The following GSG1 variants were observed in gnomAD, a reference collection of about 807,000 sequenced individuals.
GSG1 encodes germ cell associated 1, also known as germ cell-specific gene 1 protein.
A neutral mutation model predicts 30.8 loss-of-function variants in GSG1; 28 were observed. The observed-to-expected ratio is 0.91, with a 90% CI of 0.67 to 1.25. The LOEUF is 1.25. Among genes scored for constraint, GSG1 ranks in the 50% most tolerant of loss-of-function variants. GSG1 has a pLI of 0.00. For synonymous variants in GSG1, 162 were observed against 178.0 expected (o/e 0.91, Z 0.71); for missense variants, 435 against 444.7 (o/e 0.98, Z 0.20).
At chr12:13,090,382 G>A (rs1489258847) in intron 2 of GSG1, 121 bp downstream of exon 2, 3 of 838,330 alleles carry the variant, frequency 3.6e-6, no homozygotes, top group South Asian at 1.7e-5. Context: ...ACTGGGGTGT[G>A]GGCAGTGCTG....
chr12:13,085,305 C>T (rs745944812), intron 6 of GSG1, 62 bp from the exon 7 acceptor site: 592 of 1,457,072 alleles, frequency 4.1e-4, no homozygotes, highest in Non-Finnish European at 5.2e-4. Flanking sequence ...GAGAAAAATG[C>T]CATGACCTCT....
At chr12:13,103,199 C>T (rs1266690997) in intron 1 of GSG1, among the ~76,000 whole-genome samples, 1 of 152,086 alleles carries the variant, frequency 6.6e-6, no homozygotes, top group Non-Finnish European at 1.5e-5. Flanking sequence ...GATGATGAGA[C>T]AAGGGAAGAA....
chr12:13,089,212 TG>T lies in GSG1; in HGVS notation c.428del (p.Ala143GlufsTer43). 1 of 1,555,678 alleles carries T rather than the reference TG, an allele frequency of 6.4e-7. No homozygotes were observed. The highest frequency in any genetic ancestry group is 8.7e-7 in the Non-Finnish European group (1 of 1,149,118). ...RALRSSGTAA[A>X]KGERCRSFIE... ...GATCTTAGTGTTAACTAATACCTTT[TG>T]CTGCCGCTGTACCACTGGACCGAAG... On this transcript the variant is annotated frameshift_variant, in exon 3 of 7. Coordinates refer to ENST00000651961, the MANE Select transcript of GSG1 (RefSeq NM_001080555.4). LOFTEE classifies it high-confidence loss of function.
intron 3 of GSG1, 21 bp downstream of exon 3, chr12:13,089,187 G>T: frequency 6.4e-7 from 1 of 1,550,978 alleles, no homozygotes; most frequent in South Asian, 1.2e-5. Context: ...AAGAGTTAAT[G>T]ATCTTAGTGT....
At chr12:13,103,081 AC>A (rs1019191285) in intron 1 of GSG1, among the ~76,000 whole-genome samples, 3 of 152,216 alleles carry the variant, frequency 2.0e-5, no homozygotes, top group Admixed American at 2.0e-4. Flanking sequence ...TATTGTTGCC[AC>A]CGCTACTGGG....
intron 1 of GSG1, 59 bp downstream of exon 1, chr12:13,103,406 T>A (rs368999273): frequency 1.7e-5 from 22 of 1,265,338 alleles, no homozygotes; most frequent in Non-Finnish European, 2.5e-5. Flanking sequence ...GTGTTACAAA[T>A]CCAGCAGTAA....
intron 4 of GSG1, chr12:13,088,602 A>G (rs1189554436): frequency 1.3e-6 from 1 of 756,984 alleles, no homozygotes; most frequent in Non-Finnish European, 2.1e-6. Context: ...CTGCATATGA[A>G]TGAAAGTCAG....
At chr12:13,095,977 T>C (rs1866627689) in intron 1 of GSG1, among the ~76,000 whole-genome samples, 1 of 152,170 alleles carries the variant, frequency 6.6e-6, no homozygotes, top group Non-Finnish European at 1.5e-5. Flanking sequence ...AGGTAACTGG[T>C]GTGAATGGAT....
rs1013233725 is a variant in GSG1 at position 13,093,874 on chromosome 12, G to C, written c.49-3056C>G. ...GCAAGCTAAAATATGACTGGTATTA[G>C]ACGGCCAACTTTGCTGAGTGGTGGC... On this transcript the variant is annotated intron_variant, in intron 1 of 6. Coordinates refer to ENST00000651961, the MANE Select transcript of GSG1 (RefSeq NM_001080555.4). The surrounding 1 kb of genome is among the most constrained non-coding windows in gnomAD (Gnocchi z 4.6). Among the ~76,000 whole-genome samples, 5 of 152,224 alleles carry C rather than the reference G, an allele frequency of 3.3e-5. No individual in the cohort carries two copies. Among genetic ancestry groups the C allele is most frequent in the African/African-American group, 4.8e-5 (2 of 41,458 alleles).
intron 4 of GSG1, chr12:13,088,636 CT>C: frequency 9.2e-7 from 1 of 1,085,266 alleles, no homozygotes; most frequent in Non-Finnish European, 1.3e-6. Flanking sequence ...TTGTGTCACC[CT>C]TTGGGGCTCA....
intron 1 of GSG1, among the ~76,000 whole-genome samples, chr12:13,091,261 G>A (rs1234316976): frequency 6.6e-6 from 1 of 152,158 alleles, no homozygotes. Flanking sequence ...CCCTAAAGAG[G>A]TTATCTGACC....
intron 1 of GSG1, 149 bp from the exon 2 acceptor site, chr12:13,090,967 T>C (rs1866068706): frequency 1.5e-6 from 1 of 682,476 alleles, no homozygotes; most frequent in Non-Finnish European, 2.4e-6. Flanking sequence ...CTGACATTTT[T>C]CTCCAGGGGC....
intron 5 of GSG1, 25 bp downstream of exon 5, chr12:13,087,882 C>T (rs200316271): frequency 6.2e-7 from 1 of 1,610,500 alleles, no homozygotes; most frequent in South Asian, 1.1e-5. Context: ...GCCAACCACC[C>T]TCTCTCACTC....
rs1032887912 is a variant in GSG1 at position 13,093,529 on chromosome 12, T to C, written c.49-2711A>G. Among the ~76,000 whole-genome samples, 3 of 152,138 alleles carry C rather than the reference T, an allele frequency of 2.0e-5. No homozygotes were observed. The highest frequency in any genetic ancestry group is 4.4e-5 in the Non-Finnish European group (3 of 68,004). On this transcript the variant is annotated intron_variant, in intron 1 of 6. Coordinates refer to ENST00000651961, the MANE Select transcript of GSG1 (RefSeq NM_001080555.4). The surrounding 1 kb of genome is among the most constrained non-coding windows in gnomAD (Gnocchi z 4.6). Reference sequence around the variant, plus strand: ...ACCTTTGGAAAGGAGATGGGGCTTATGGTTCTGGGAGAGGTAGCAGTCGGG... The same window carrying C: ...ACCTTTGGAAAGGAGATGGGGCTTACGGTTCTGGGAGAGGTAGCAGTCGGG...
intron 2 of GSG1, 64 bp from the exon 3 acceptor site, chr12:13,089,340 C>T (rs751183582): frequency 8.4e-6 from 13 of 1,547,774 alleles, no homozygotes; most frequent in Admixed American, 3.9e-5. Flanking sequence ...TCTTCCATCT[C>T]GCTTTTAGCT....
At chr12:13,086,081 G>T (rs970942248) in intron 6 of GSG1, among the ~76,000 whole-genome samples, 1 of 152,202 alleles carries the variant, frequency 6.6e-6, no homozygotes, top group East Asian at 1.9e-4. Flanking sequence ...ATTTCATGAG[G>T]CCAAGTGATG....
At chr12:13,100,132 TATGAATGAATGA>T (rs35956952) in intron 1 of GSG1, among the ~76,000 whole-genome samples, 24 of 151,292 alleles carry the variant, frequency 1.6e-4, no homozygotes, top group South Asian at 6.3e-4. Context: ...TTTTAACATC[TATGAATGAATGA>T]ATGAATGAAT....
At position 13,100,762 on chromosome 12, in the gene GSG1, G is replaced by A. The variant is rs777469630; in HGVS notation, c.48+2703C>T. On this transcript the variant is annotated intron_variant, in intron 1 of 6. Transcript: ENST00000651961. ...GAAGAGTAATGCCACCAAAATGCCC[G>A]TGCTTAGTGTTCAAAATGACTACAT... Among the ~76,000 whole-genome samples, 32 of 152,268 alleles carry A rather than the reference G, an allele frequency of 2.1e-4. 1 individual carries two copies. Among genetic ancestry groups the A allele is most frequent in the Admixed American group, 1.6e-3 (25 of 15,304 alleles).
At chr12:13,088,726 T>A in intron 4 of GSG1, 136 bp downstream of exon 4, 1 of 1,609,546 alleles carries the variant, frequency 6.2e-7, no homozygotes, top group Admixed American at 1.7e-5. Context: ...AAATTCCTTA[T>A]CAGACACATA....
Sources: allele counts gnomAD v4.1 joint callset (sites outside exome capture counted in the v4.1 genomes callset), GRCh38; gene constraint gnomAD v4.1.1; non-coding constraint Gnocchi (gnomAD v3.1); transcripts MANE v1.5; gene names NCBI Gene and HGNC (gene_info 2026-07-23, HGNC 2026-07-21).